DUSP15: variants seen among roughly 807,000 people sequenced by gnomAD.
DUSP15 encodes the protein dual specificity phosphatase 15, also known as dual specificity protein phosphatase 15.
Under a neutral mutation model 26.3 loss-of-function variants are expected in DUSP15, and 23 were observed. The ratio of observed to expected loss-of-function variants is 0.87; its 90% CI spans 0.63 to 1.24. The LOEUF (loss-of-function observed/expected upper bound fraction) is 1.24. Among genes scored for constraint, DUSP15 ranks in the 50% most tolerant of loss-of-function variants. DUSP15 has a pLI of 0.00. For synonymous variants in DUSP15, 143 were observed against 135.5 expected (o/e 1.06, Z -0.39); for missense variants, 364 against 320.6 (o/e 1.14, Z -1.03).
chr20:31,851,302 G>T (rs1012971283), intron 6 of DUSP15, among the ~76,000 whole-genome samples: 2 of 152,008 alleles, frequency 1.3e-5, no homozygotes, highest in African/African-American at 4.8e-5. Flanking sequence ...GATGAGCACA[G>T]AGCAATGAGC....
At chr20:31,855,607 G>C (rs1225888826) in intron 6 of DUSP15, among the ~76,000 whole-genome samples, 1 of 152,188 alleles carries the variant, frequency 6.6e-6, no homozygotes, top group Admixed American at 6.5e-5. Flanking sequence ...AAAAGGATGG[G>C]GAGGCCAGCC....
downstream of DUSP15, among the ~76,000 whole-genome samples, chr20:31,859,221 A>T (rs565639903): frequency 2.4e-4 from 35 of 147,694 alleles, no homozygotes; most frequent in South Asian, 7.4e-3. Context: ...CGACAGCTAC[A>T]CCTGTACTTT....
upstream of DUSP15, chr20:31,870,593 G>A (rs2062904351): frequency 2.8e-6 from 4 of 1,406,728 alleles, no homozygotes; most frequent in Non-Finnish European, 2.8e-6. The surrounding 1 kb of genome is among the most constrained non-coding windows in gnomAD (Gnocchi z 6.6). Flanking sequence ...GTCATGTGGG[G>A]CCCCCGCCTC....
In DUSP15 at chr20:31,861,652, G is replaced by C. The variant is rs1328136161; in HGVS notation, c.459C>G (p.Arg153=). ...CGTCGCGGAAGGGGCTCTCGCCGAA[G>C]CGCTCCTCCAGCTGCCGGCGAAGCT... ...SQKLRRQLEE[R]FGESPFRDEE... is the part of the protein sequence containing the mutation. Residue 153 remains arginine (R), a synonymous_variant, in exon 7 of 7, where the codon CGC becomes CGG. Transcript: ENST00000339738. The C allele has an allele frequency of 2.0e-6, 3 of 1,483,136 alleles. No individual in the cohort carries two copies. Among genetic ancestry groups the C allele is most frequent in the African/African-American group, 2.9e-5 (2 of 67,998 alleles). The allele number at this position is 1,483,136 out of a possible 1,614,324, so 91.9% of individuals were successfully genotyped here.
At chr20:31,848,145 A>C (rs1278692502) in exon 10 of DUSP15, 2 of 474,380 alleles carry the variant, frequency 4.2e-6, no homozygotes, top group African/African-American at 4.1e-5. Flanking sequence ...CAAGAGATGA[A>C]GTCTTGCTTC....
intron 7 of DUSP15, among the ~76,000 whole-genome samples, chr20:31,850,427 G>T (rs1276431893): frequency 6.6e-6 from 1 of 152,218 alleles, no homozygotes; most frequent in African/African-American, 2.4e-5. Context: ...AGCATCTGGG[G>T]GCTGTGGGGA....
chr20:31,862,476 G>A (rs2062681109), intron 6 of DUSP15, 95 bp downstream of exon 6: 1 of 1,447,026 alleles, frequency 6.9e-7, no homozygotes, highest in Non-Finnish European at 9.3e-7. Context: ...CCGGGTCTGA[G>A]GCACAGGCTA....
chr20:31,863,574 A>T (rs1436475907), intron 5 of DUSP15: 13 of 250,646 alleles, frequency 5.2e-5, no homozygotes, highest in Admixed American at 3.0e-4. Flanking sequence ...GGAGGGGAGG[A>T]GGGAGGCCCA....
chr20:31,848,169 G>C, exon 10 of DUSP15: 1 of 498,158 alleles, frequency 2.0e-6, no homozygotes, highest in Non-Finnish European at 3.5e-6. Context: ...TCCAGTTGCT[G>C]CCTTTCTGGG....
intron 6 of DUSP15, among the ~76,000 whole-genome samples, chr20:31,853,106 C>T (rs1408766108): frequency 6.6e-6 from 1 of 152,090 alleles, no homozygotes; most frequent in Non-Finnish European, 1.5e-5. Flanking sequence ...CCTTTCCCTC[C>T]CTCCCTCCCC....
intron 5 of DUSP15, among the ~76,000 whole-genome samples, chr20:31,863,263 G>A (rs141172328): frequency 3.7e-4 from 56 of 152,298 alleles, no homozygotes; most frequent in Admixed American, 1.5e-3. Context: ...GGTTAGTCAG[G>A]AACCTTCTGG....
chr20:31,862,522 G>A, intron 6 of DUSP15, 49 bp downstream of exon 6: 1 of 1,528,060 alleles, frequency 6.5e-7, no homozygotes, highest in Non-Finnish European at 8.8e-7. Context: ...CGAGTGGGAA[G>A]AAGGATCTCC....
chr20:31,848,893 C>T (rs2062414506), exon 9 of DUSP15: 3 of 1,611,378 alleles, frequency 1.9e-6, no homozygotes, highest in South Asian at 1.1e-5. Context: ...ACTTTGGGTC[C>T]GGTGACCATC....
chr20:31,855,405 T>C (rs559694173), intron 6 of DUSP15, among the ~76,000 whole-genome samples: 3 of 152,302 alleles, frequency 2.0e-5, no homozygotes, highest in African/African-American at 7.2e-5. Flanking sequence ...GATCTATGAA[T>C]AATGAGGGTC....
chr20:31,855,555 T>A (rs2062546628), intron 6 of DUSP15, among the ~76,000 whole-genome samples: 1 of 152,200 alleles, frequency 6.6e-6, no homozygotes, highest in Admixed American at 6.5e-5. Flanking sequence ...AGGAGTCACA[T>A]GTGTGTGACA....
chr20:31,860,956 T>G, downstream of DUSP15: 2 of 990,910 alleles, frequency 2.0e-6, no homozygotes, highest in Non-Finnish European at 2.4e-6. Flanking sequence ...CCCCAGGGGA[T>G]GCAGGCTCCC....
intron 1 of DUSP15, 120 bp from the exon 2 acceptor site, chr20:31,869,717 G>A (rs984478297): frequency 6.5e-7 from 1 of 1,530,052 alleles, no homozygotes; most frequent in African/African-American, 1.4e-5. Flanking sequence ...TCAGGGCTCA[G>A]GGAGCACTCT....
At chr20:31,857,182 T>C (rs1467653118), downstream of DUSP15, among the ~76,000 whole-genome samples, 1 of 151,812 alleles carries the variant, frequency 6.6e-6, no homozygotes, top group Non-Finnish European at 1.5e-5. Flanking sequence ...ACTTTGGTGT[T>C]TGGGGTGGTA....
At chr20:31,857,206 C>T (rs926849896), downstream of DUSP15, among the ~76,000 whole-genome samples, 6 of 151,506 alleles carry the variant, frequency 4.0e-5, no homozygotes, top group Non-Finnish European at 7.4e-5. Context: ...TGTGGATGTG[C>T]GGTTGGTTGC....
Sources: allele counts gnomAD v4.1 joint callset (sites outside exome capture counted in the v4.1 genomes callset), GRCh38; gene constraint gnomAD v4.1.1; non-coding constraint Gnocchi (gnomAD v3.1); transcripts MANE v1.5; gene names NCBI Gene and HGNC (gene_info 2026-07-23, HGNC 2026-07-21).